The following ASAP1 variants were observed in gnomAD, a reference collection of about 807,000 sequenced individuals.
ASAP1 encodes the protein arf-GAP with SH3 domain, ANK repeat and PH domain-containing protein 1.
In ASAP1, 43 loss-of-function variants were observed where a neutral mutation model predicts 145.2. The observed-to-expected ratio is 0.30, with a 90% confidence interval of 0.23 to 0.38. ASAP1 has a LOEUF of 0.38. ASAP1 is among the 10% of genes least tolerant of loss of function. The pLI, the probability that ASAP1 is intolerant of heterozygous loss-of-function variation, is 1.00. For synonymous variants in ASAP1, 546 were observed against 515.5 expected, an observed-to-expected ratio of 1.06 and a Z score of -0.80; for missense variants, 1,018 against 1,355.3, an observed-to-expected ratio of 0.75 and a Z score of 3.91.
chr8:130,063,717 T>A (rs1039718597), intron 27 of ASAP1, among the ~76,000 whole-genome samples: 1 of 151,950 alleles, frequency 6.6e-6, no homozygotes, highest in Non-Finnish European at 1.5e-5. Flanking sequence ...ACAAAGTGAG[T>A]AAGAAGAGAT....
chr8:130,106,382 A>C (rs2097536896), intron 24 of ASAP1, among the ~76,000 whole-genome samples: 1 of 152,204 alleles, frequency 6.6e-6, no homozygotes, highest in South Asian at 2.1e-4. Flanking sequence ...ATCATGCAGT[A>C]GTGTACTTTC....
chr8:130,217,981 C>T (rs1274098649), intron 4 of ASAP1, among the ~76,000 whole-genome samples: 3 of 152,102 alleles, frequency 2.0e-5, no homozygotes, highest in Non-Finnish European at 4.4e-5. Context: ...ATTCATGGTG[C>T]CTGCAGTGGT....
intron 18 of ASAP1, 61 bp downstream of exon 18, chr8:130,123,952 G>T: frequency 1.5e-6 from 2 of 1,306,584 alleles, no homozygotes; most frequent in Non-Finnish European, 2.2e-6. Flanking sequence ...AAGTTTTTTG[G>T]AAGGGTAGAA....
intron 3 of ASAP1, among the ~76,000 whole-genome samples, chr8:130,259,414 C>G (rs1205519872): frequency 6.6e-6 from 1 of 152,138 alleles, no homozygotes; most frequent in African/African-American, 2.4e-5. Flanking sequence ...TCACTTTAAA[C>G]CCTTGCCAGG....
At chr8:130,423,513 T>A (rs7817849) in intron 1 of ASAP1, among the ~76,000 whole-genome samples, 4,010 of 152,252 alleles carry the variant, frequency 0.026, 191 homozygotes, top group African/African-American at 0.093. Context: ...AGTATGTACA[T>A]GCAAAAACTA....
chr8:130,359,268 C>T (rs1189894412), intron 2 of ASAP1, among the ~76,000 whole-genome samples: 1 of 152,044 alleles, frequency 6.6e-6, no homozygotes, highest in Non-Finnish European at 1.5e-5. Flanking sequence ...AGGCATTGCC[C>T]GAGCTGCAAA....
At chr8:130,375,500 C>T (rs571944041) in intron 2 of ASAP1, among the ~76,000 whole-genome samples, 1 of 150,722 alleles carries the variant, frequency 6.6e-6, no homozygotes, top group Admixed American at 6.6e-5. Flanking sequence ...TTCGAGGTTA[C>T]AGTGAGCTAT....
chr8:130,087,393 G>T (rs1308810441), intron 25 of ASAP1, among the ~76,000 whole-genome samples: 2 of 152,142 alleles, frequency 1.3e-5, no homozygotes, highest in Non-Finnish European at 2.9e-5. Flanking sequence ...TGTGGCGGGT[G>T]CCTGCAATCC....
intron 3 of ASAP1, among the ~76,000 whole-genome samples, chr8:130,335,714 C>T (rs1320271761): frequency 6.6e-6 from 1 of 152,158 alleles, no homozygotes; most frequent in Non-Finnish European, 1.5e-5. Flanking sequence ...TCTCCCACAC[C>T]ACCCCACTAA....
In ASAP1 at chr8:130,233,201, A is replaced by G. The variant is rs556393360; in HGVS notation, c.259+3721T>C. 3.9e-5 allele frequency among the ~76,000 whole-genome samples: 6 copies of G among 152,328 alleles called. No individual in the cohort carries two copies. In the East Asian group the frequency reaches 1.2e-3, roughly 29 times the overall value. The stretch of plus-strand genomic sequence containing the variant: ...TTGGTGGTCTCATCTGGGAAACACC[A>G]AAGTCATCCCACAGGTTACAATGCT... On this transcript the variant is annotated intron_variant, in intron 4 of 29. Transcript: ENST00000518721.
Position 130,127,818 on chromosome 8 carries a change from A to T in ASAP1, c.1381+109T>A. The stretch of plus-strand genomic sequence containing the variant: ...TTGGGAATACGTGTTTTGTGTGTGT[A>T]TGTGAGTGTGTCCATAGGGGTTAAG... On this transcript the variant is annotated intron_variant, in intron 16 of 29. Transcript: ENST00000518721. The T allele has an allele frequency of 3.3e-6, 4 of 1,217,808 alleles. No homozygotes were observed. The East Asian group carries it at 7.7e-5, about 23-fold the overall frequency. 75.4% of individuals were successfully genotyped at this position (1,217,808 alleles called of 1,614,324 possible).
chr8:130,357,960 T>C, intron 3 of ASAP1, 57 bp downstream of exon 3: 1 of 1,546,700 alleles, frequency 6.5e-7, no homozygotes, highest in Non-Finnish European at 8.7e-7. Flanking sequence ...GAGGAGATCC[T>C]CCAGCTGCGC....
At chr8:130,196,214 C>A (rs888239932) in intron 5 of ASAP1, among the ~76,000 whole-genome samples, 7 of 152,114 alleles carry the variant, frequency 4.6e-5, no homozygotes, top group Admixed American at 3.3e-4. Flanking sequence ...TGTTGGCAGG[C>A]ACCTGTAATC....
intron 3 of ASAP1, among the ~76,000 whole-genome samples, chr8:130,322,457 G>A (rs1483168385): frequency 1.3e-5 from 2 of 152,100 alleles, no homozygotes; most frequent in Non-Finnish European, 2.9e-5. Context: ...ATCCCAAACT[G>A]CCTCATTTTA....
intron 3 of ASAP1, among the ~76,000 whole-genome samples, chr8:130,261,568 T>G (rs928911616): frequency 6.6e-6 from 1 of 151,842 alleles, no homozygotes; most frequent in African/African-American, 2.4e-5. Flanking sequence ...TGATTGTGAG[T>G]AAAGATGACC....
chr8:130,326,052 G>C (rs955980753), intron 3 of ASAP1, among the ~76,000 whole-genome samples: 1 of 152,140 alleles, frequency 6.6e-6, no homozygotes, highest in African/African-American at 2.4e-5. Context: ...TAGGAACCTA[G>C]GTCTTTTTGA....
In ASAP1 at chr8:130,331,730, G is replaced by A. The variant is rs933654338; in HGVS notation, c.186+26287C>T. On this transcript the variant is annotated intron_variant, in intron 3 of 29. Coordinates refer to ENST00000518721, the MANE Select transcript of ASAP1 (RefSeq NM_018482.4). Reference sequence around the variant, plus strand: ...AAATCATGTAGCTAGTATTTTATTAGCAACATTAAAAATACAAGCAAAGCA... The same window carrying A: ...AAATCATGTAGCTAGTATTTTATTAACAACATTAAAAATACAAGCAAAGCA... Among the ~76,000 whole-genome samples the A allele has an allele frequency of 6.3e-4, 96 of 152,196 alleles. 1 individual carries two copies. The highest frequency in any genetic ancestry group is 4.4e-4 in the Non-Finnish European group (30 of 68,004).
At position 130,380,911 on chromosome 8, in the gene ASAP1, G is replaced by GTC. The variant is rs532146618; in HGVS notation, c.59+20972_59+20973dup. Among the ~76,000 whole-genome samples the GTC allele has an allele frequency of 2.6e-5, 4 of 152,038 alleles. No individual in the cohort carries two copies. The East Asian group carries it at 5.8e-4, about 22-fold the overall frequency. On this transcript the variant is annotated intron_variant, in intron 2 of 29. Coordinates refer to ENST00000518721, the MANE Select transcript of ASAP1 (RefSeq NM_018482.4). Reference sequence around the variant, plus strand: ...TTATTTATTTATTTATTGAGACAGGGTCTCTCTCTCTTGTCCAGGCTGGAG... The same window carrying GTC: ...TTATTTATTTATTTATTGAGACAGGGTCTCTCTCTCTCTTGTCCAGGCTGGAG...
intron 2 of ASAP1, among the ~76,000 whole-genome samples, chr8:130,367,093 T>C (rs776128485): frequency 1.3e-5 from 2 of 151,878 alleles, no homozygotes; most frequent in Non-Finnish European, 2.9e-5. Flanking sequence ...GGTTTCACCA[T>C]GCTGGCCAGG....
Sources: gnomAD v4.1 joint callset for allele counts (sites outside exome capture counted in the v4.1 genomes callset) on GRCh38, gnomAD v4.1.1 for gene constraint, MANE v1.5 for transcripts, NCBI Gene and HGNC (gene_info 2026-07-23, HGNC 2026-07-21) for gene names.